TTC1: variants seen among roughly 807,000 people sequenced by gnomAD.
TTC1 encodes tetratricopeptide repeat protein 1.
TTC1 carries 31 observed loss-of-function variants against 37.6 expected under a neutral mutation model. The ratio of observed to expected loss-of-function variants is 0.82; its 90% CI spans 0.62 to 1.11. The LOEUF is 1.11. TTC1 is among the 50% of genes most tolerant of loss of function. The pLI is 0.00. For synonymous variants in TTC1, 127 were observed against 122.4 expected, an observed-to-expected ratio of 1.04 and a Z score of -0.25; for missense variants, 351 against 339.0, an observed-to-expected ratio of 1.04 and a Z score of -0.28.
intron 2 of TTC1, among the ~76,000 whole-genome samples, chr5:160,012,662 C>T (rs1461503879): frequency 6.6e-6 from 1 of 152,160 alleles, no homozygotes; most frequent in Non-Finnish European, 1.5e-5. Context: ...AACCACCACA[C>T]CCAGTGAGGA....
rs1176347591 is a variant in TTC1 at position 160,029,035 on chromosome 5, T to C, written c.331-6105T>C. Among the ~76,000 whole-genome samples the C allele has an allele frequency of 2.0e-5, 3 of 152,224 alleles. No individual in the cohort carries two copies. The East Asian group carries it at 5.8e-4, about 29-fold the overall frequency. On this transcript the variant is annotated intron_variant, in intron 2 of 7. Transcript: ENST00000231238. ...TTGACTGCAACAAAACCTTGAACTT[T>C]ACATAGTAGGTTCATTGTTGGTAAT...
chr5:160,029,400 G>C (rs1471425866), intron 2 of TTC1, among the ~76,000 whole-genome samples: 1 of 151,592 alleles, frequency 6.6e-6, no homozygotes, highest in East Asian at 1.9e-4. Context: ...TCAGCACCTT[G>C]GGAGGCTCTG....
intron 6 of TTC1, among the ~76,000 whole-genome samples, chr5:160,050,728 C>G (rs1012611444): frequency 6.6e-6 from 1 of 150,546 alleles, no homozygotes; most frequent in African/African-American, 2.4e-5. Flanking sequence ...CAGATTCAAG[C>G]AACCCTCCCA....
At chr5:160,032,943 C>T (rs1756938275) in intron 2 of TTC1, among the ~76,000 whole-genome samples, 1 of 151,476 alleles carries the variant, frequency 6.6e-6, no homozygotes, top group Non-Finnish European at 1.5e-5. Context: ...CCAGGATGGT[C>T]TCAATCTCTT....
In TTC1 at chr5:160,022,677, A is replaced by G. The variant is rs189661342; in HGVS notation, c.330+11819A>G. ...GCCAAGTCATGGATATTTGCTTTACAGGAAGACTCTTCACTTAGCAATAGT... is the reference window on the plus strand; with the variant it reads ...GCCAAGTCATGGATATTTGCTTTACGGGAAGACTCTTCACTTAGCAATAGT... On this transcript the variant is annotated intron_variant, in intron 2 of 7. Coordinates refer to ENST00000231238, the MANE Select transcript of TTC1 (RefSeq NM_003314.3). Among the ~76,000 whole-genome samples the G allele has an allele frequency of 7.2e-5, 11 of 152,346 alleles. No individual in the cohort carries two copies. The East Asian group carries it at 1.9e-3, about 27-fold the overall frequency.
intron 5 of TTC1, 113 bp from the exon 6 acceptor site, chr5:160,049,401 A>G: frequency 3.8e-6 from 4 of 1,065,796 alleles, no homozygotes; most frequent in Non-Finnish European, 5.2e-6. Context: ...ACACTTGGCA[A>G]ATGACTCTTC....
chr5:160,042,189 C>G (rs1757110951), intron 4 of TTC1, among the ~76,000 whole-genome samples: 1 of 152,206 alleles, frequency 6.6e-6, no homozygotes, highest in Admixed American at 6.5e-5. Context: ...CTTGGTCCTC[C>G]AAAATGCTGG....
intron 2 of TTC1, among the ~76,000 whole-genome samples, chr5:160,016,309 C>T (rs546139850): frequency 1.3e-5 from 2 of 152,172 alleles, no homozygotes; most frequent in African/African-American, 4.8e-5. Flanking sequence ...ACCTAGGAGG[C>T]GGAGGTTGCA....
At chr5:160,027,448 A>G (rs1416170316) in intron 2 of TTC1, among the ~76,000 whole-genome samples, 2 of 152,236 alleles carry the variant, frequency 1.3e-5, no homozygotes, top group South Asian at 4.1e-4. Flanking sequence ...TTTTATCAAT[A>G]TATGTTGTAA....
rs1324339846 is a variant in TTC1, at chr5:160,052,524, A to C, written c.745+1341A>C. 4.1e-5 allele frequency among the ~76,000 whole-genome samples: 6 copies of C among 146,878 alleles called. No homozygotes were observed. In the Middle Eastern group the frequency reaches 0.01, roughly 253 times the overall value. ...AAAGAGCATTTTCTCACCTATTTTTACTAACAATGATGCTCTATTTTAGCA... is the reference window on the plus strand; with the variant it reads ...AAAGAGCATTTTCTCACCTATTTTTCCTAACAATGATGCTCTATTTTAGCA... On this transcript the variant is annotated intron_variant, in intron 7 of 7. Transcript: ENST00000231238.
chr5:160,013,697 C>T (rs1050422167), intron 2 of TTC1, among the ~76,000 whole-genome samples: 2 of 148,384 alleles, frequency 1.3e-5, no homozygotes, highest in African/African-American at 2.5e-5. Flanking sequence ...GAGCTGAGAT[C>T]AGGCCTCTGC....
intron 4 of TTC1, 104 bp from the exon 5 acceptor site, chr5:160,043,029 T>C (rs1757128113): frequency 1.7e-6 from 2 of 1,177,148 alleles, no homozygotes; most frequent in Middle Eastern, 2.0e-4. Flanking sequence ...AAAACCATTC[T>C]GTATCTCCAT....
chr5:160,016,252 C>T (rs1452511626), intron 2 of TTC1, among the ~76,000 whole-genome samples: 1 of 152,100 alleles, frequency 6.6e-6, no homozygotes, highest in Non-Finnish European at 1.5e-5. Context: ...GCGGTGCACA[C>T]CTATAGTCCC....
intron 2 of TTC1, among the ~76,000 whole-genome samples, chr5:160,016,876 G>A (rs561237444): frequency 2.4e-4 from 36 of 152,312 alleles, no homozygotes; most frequent in African/African-American, 8.4e-4. Context: ...CACTTGTCCT[G>A]TGGCTGGGAA....
chr5:160,052,280 G>T (rs1757421340), intron 7 of TTC1, among the ~76,000 whole-genome samples: 1 of 152,100 alleles, frequency 6.6e-6, no homozygotes, highest in Non-Finnish European at 1.5e-5. Context: ...AAGGTAGGAG[G>T]ATTGCTTGAG....
chr5:160,038,038 G>T (rs1356342054), intron 4 of TTC1, among the ~76,000 whole-genome samples: 2 of 151,950 alleles, frequency 1.3e-5, no homozygotes, highest in Non-Finnish European at 2.9e-5. Flanking sequence ...CCCAGGGCAG[G>T]GTTGCGGGGG....
At chr5:160,010,419 C>A (rs1756478817) in intron 1 of TTC1, 81 bp from the exon 2 acceptor site, 3 of 855,278 alleles carry the variant, frequency 3.5e-6, no homozygotes, top group Non-Finnish European at 5.4e-6. Context: ...GGCTGTAATG[C>A]AGAGGTTTGT....
In TTC1 at chr5:160,032,702, CTTTTTTTTTTTTTTT is replaced by C. The variant is rs70987990; in HGVS notation, c.331-2422_331-2408del. Among the ~76,000 whole-genome samples the C allele has an allele frequency of 8.6e-3, 641 of 74,724 alleles. 6 individuals carry two copies. The highest frequency in any genetic ancestry group is 0.034 in the African/African-American group (615 of 17,876). 49.0% of individuals were successfully genotyped at this position (74,724 alleles called of 152,430 possible). A position where few individuals can be genotyped will look rare whatever the true frequency, so the allele number is the denominator to read the frequency against. ...AGCCTCCTTGAGTTCTACCTGCTTTCTTTTTTTTTTTTTTTTTTTTTTTTTTTTTTGAGACGGAGT... is the reference window on the plus strand; with the variant it reads ...AGCCTCCTTGAGTTCTACCTGCTTTCTTTTTTTTTTTTTTTGAGACGGAGT... On this transcript the variant is annotated intron_variant, in intron 2 of 7. Transcript: ENST00000231238.
At chr5:160,019,164 T>C (rs916161482) in intron 2 of TTC1, among the ~76,000 whole-genome samples, 1 of 152,230 alleles carries the variant, frequency 6.6e-6, no homozygotes, top group African/African-American at 2.4e-5. Context: ...CATGTACACA[T>C]AAGGGATCCA....
Sources: allele counts gnomAD v4.1 joint callset (sites outside exome capture counted in the v4.1 genomes callset), GRCh38; gene constraint gnomAD v4.1.1; transcripts MANE v1.5; gene names NCBI Gene and HGNC (gene_info 2026-07-23, HGNC 2026-07-21).